The following ARHGEF10L variants were observed in gnomAD, a reference collection of about 807,000 sequenced individuals.
ARHGEF10L encodes Rho guanine nucleotide exchange factor 10 like.
ARHGEF10L carries 69 observed loss-of-function variants against 141.2 expected under a neutral mutation model. The observed-to-expected ratio is 0.49, with a 90% confidence interval of 0.40 to 0.60. ARHGEF10L has a LOEUF of 0.60. Among genes scored for constraint, ARHGEF10L ranks in the 20% least tolerant of loss-of-function variants. The probability of loss-of-function intolerance (pLI) is 0.00; values close to 1 mark genes in which losing one functional copy is unlikely to be tolerated. For synonymous variants in ARHGEF10L, 711 were observed against 718.5 expected (o/e 0.99, Z 0.17); for missense variants, 1,482 against 1,734.3 (o/e 0.85, Z 2.58).
At chr1:17,530,704 G>GA in the ARHGEF10L span, among the ~76,000 whole-genome samples, 1 of 152,248 alleles carries the variant, frequency 6.6e-6, no homozygotes, top group Admixed American at 6.5e-5. Context: ...TTTCTTGTAT[G>GA]AAAAAGAGGA....
At chr1:17,595,220 CT>C (rs58475060) in intron 4 of ARHGEF10L, among the ~76,000 whole-genome samples, 2,778 of 105,990 alleles carry the variant, frequency 0.026, 53 homozygotes, top group East Asian at 0.074. Flanking sequence ...CGTGGCTCAC[CT>C]TTTTTTTTTT....
At position 17,695,140 on chromosome 1, in the gene ARHGEF10L, C is replaced by T. The variant is rs375159582; in HGVS notation, c.3185-18C>T. The T allele has an allele frequency of 2.2e-5, 36 of 1,612,094 alleles. No individual in the cohort carries two copies. Among genetic ancestry groups the T allele is most frequent in the South Asian group, 4.4e-5 (4 of 91,078 alleles). ...TCTCCCCAGGAGGGCACTGCTCAGC[C>T]GCCCTCTCTTTCTGCAGGCCAGAAG... On this transcript the variant is annotated intron_variant, in intron 27 of 28. Coordinates refer to ENST00000361221, the MANE Select transcript of ARHGEF10L (RefSeq NM_018125.4).
rs146084681 is a variant in ARHGEF10L, at chr1:17,696,934, C to A, written c.3394C>A (p.Arg1132=). The A allele has an allele frequency of 1.9e-6, 3 of 1,612,524 alleles. No individual in the cohort carries two copies. Among genetic ancestry groups the A allele is most frequent in the Non-Finnish European group, 2.5e-6 (3 of 1,179,712 alleles). Reference sequence around the variant, plus strand: ...CAGCATCCTGGCCCCTGACATCCTGCGGAGTGACCAGGAGGAGGCTGAGGG... The same window carrying A: ...CAGCATCCTGGCCCCTGACATCCTGAGGAGTGACCAGGAGGAGGCTGAGGG... ...ATSILAPDIL[R]SDQEEAEGPR... Residue 1132 remains arginine, a synonymous_variant, in exon 29 of 29, where the codon CGG becomes AGG. Transcript: ENST00000361221.
chr1:17,632,209 C>T (rs1261495318), intron 15 of ARHGEF10L, 112 bp from the exon 16 acceptor site: 16 of 1,401,240 alleles, frequency 1.1e-5, no homozygotes, highest in Non-Finnish European at 1.6e-5. Context: ...ATCTCCTCCA[C>T]CTCTCCCAGC....
chr1:17,695,134 C>T (rs763880028), intron 27 of ARHGEF10L, 24 bp from the exon 28 acceptor site: 2 of 1,611,814 alleles, frequency 1.2e-6, no homozygotes, highest in Non-Finnish European at 1.7e-6. Flanking sequence ...GAGGGCACTG[C>T]TCAGCCGCCC....
At chr1:17,517,644 C>T in the ARHGEF10L span, among the ~76,000 whole-genome samples, 1 of 151,810 alleles carries the variant, frequency 6.6e-6, no homozygotes, top group Admixed American at 6.6e-5. Flanking sequence ...GAGCCAATAG[C>T]CAGGATTATC....
At chr1:17,667,853 G>A (rs529284745) in intron 26 of ARHGEF10L, among the ~76,000 whole-genome samples, 7 of 152,280 alleles carry the variant, frequency 4.6e-5, no homozygotes, top group African/African-American at 1.4e-4. Context: ...CTGGGGAGGC[G>A]TCATTGAAGA....
In ARHGEF10L at chr1:17,697,440, C is replaced by T. The variant is rs745744864; in HGVS notation, c.*60C>T. The T allele has an allele frequency of 2.8e-5, 42 of 1,526,756 alleles. No homozygotes were observed. Among genetic ancestry groups the T allele is most frequent in the Non-Finnish European group, 3.6e-5 (41 of 1,135,106 alleles). 94.6% of individuals were successfully genotyped at this position (1,526,756 alleles called of 1,614,324 possible). A position where few individuals can be genotyped will look rare whatever the true frequency, so the allele number is the denominator to read the frequency against. On this transcript the variant is annotated 3_prime_UTR_variant, in exon 29 of 29. Transcript: ENST00000361221. The surrounding 1 kb of genome is among the most constrained non-coding windows in gnomAD (Gnocchi z 4.8). ...GGCCTGACCAAGGCCACGCCCGGCT[C>T]TCGTGCTCTAGGACCTGCACGGGAC... is the stretch of plus-strand genomic sequence containing the variant.
At chr1:17,593,645 G>A (rs538435875) in intron 4 of ARHGEF10L, among the ~76,000 whole-genome samples, 18 of 152,124 alleles carry the variant, frequency 1.2e-4, no homozygotes, top group Non-Finnish European at 1.9e-4. Flanking sequence ...TGCCCCTGCT[G>A]AAACCTCGCT....
rs562508803 is a variant in ARHGEF10L, at chr1:17,638,408, C to T, written c.2044-154C>T. On this transcript the variant is annotated intron_variant, in intron 19 of 28. Coordinates refer to ENST00000361221, the MANE Select transcript of ARHGEF10L (RefSeq NM_018125.4). ...GGAAGCCTGGGGCATGGCGAGTTGG[C>T]CTCCTGCGTGGGGCTAAATGTGCAG... 5.3e-5 allele frequency among the ~76,000 whole-genome samples: 8 copies of T among 152,310 alleles called. 1 individual carries two copies. The East Asian group carries it at 1.5e-3, about 29-fold the overall frequency.
upstream of ARHGEF10L, among the ~76,000 whole-genome samples, chr1:17,536,237 T>C (rs951713538): frequency 6.6e-6 from 1 of 152,196 alleles, no homozygotes; most frequent in Admixed American, 6.5e-5. Flanking sequence ...CCCGGCACTT[T>C]GGGAGGCCAG....
At chr1:17,676,462 G>A (rs1415015551) in intron 26 of ARHGEF10L, among the ~76,000 whole-genome samples, 1 of 151,954 alleles carries the variant, frequency 6.6e-6, no homozygotes, top group Non-Finnish European at 1.5e-5. Context: ...GTGGGGTGGT[G>A]GAGGGCCAGG....
At chr1:17,551,551 G>A (rs768126890) in intron 1 of ARHGEF10L, among the ~76,000 whole-genome samples, 5 of 152,138 alleles carry the variant, frequency 3.3e-5, no homozygotes, top group Admixed American at 6.5e-5. Context: ...TGGGCCCTGC[G>A]AGCCAGTCAA....
intron 1 of ARHGEF10L, among the ~76,000 whole-genome samples, chr1:17,579,193 G>T (rs112702772): frequency 1.3e-5 from 2 of 152,100 alleles, no homozygotes; most frequent in African/African-American, 4.8e-5. Flanking sequence ...GCTAATTTTT[G>T]TATTTTTAGT....
At chr1:17,616,918 T>TA (rs1444446879) in intron 9 of ARHGEF10L, among the ~76,000 whole-genome samples, 4 of 151,590 alleles carry the variant, frequency 2.6e-5, no homozygotes, top group African/African-American at 9.7e-5. Context: ...ACTGACTGAG[T>TA]ATTTATTGTG....
intron 28 of ARHGEF10L, 144 bp downstream of exon 28, chr1:17,695,424 G>T: frequency 8.2e-7 from 1 of 1,221,812 alleles, no homozygotes; most frequent in Non-Finnish European, 1.1e-6. Context: ...CAGGTGGCAT[G>T]GTGGCCAGTA....
In ARHGEF10L at chr1:17,634,909, A is replaced by T. The variant is rs1351571247; in HGVS notation, c.1820A>T (p.Gln607Leu). The change falls in exon 18 of 29, where the codon CAG becomes CTG. Residue 607 changes from glutamine (Q) to leucine (L), a missense_variant. Around this residue, in one of 3 missense-constraint regions of ARHGEF10L, gnomAD observed 858 missense variants for 966.3 expected, o/e 0.89. Transcript: ENST00000361221. ...YVVKWNTALP[Q>L]VQVVEVGQDG... is the part of the protein sequence containing the mutation. Reference sequence around the variant, plus strand: ...GTGAAGTGGAACACGGCGCTGCCCCAGGTGCAGGTGGTGGAGGTGGGCCAG... The same window carrying T: ...GTGAAGTGGAACACGGCGCTGCCCCTGGTGCAGGTGGTGGAGGTGGGCCAG... 1.2e-6 allele frequency: 2 copies of T among 1,614,100 alleles called. No homozygotes were observed.
intron 1 of ARHGEF10L, among the ~76,000 whole-genome samples, chr1:17,570,788 G>A (rs1020180588): frequency 3.9e-5 from 6 of 151,998 alleles, no homozygotes; most frequent in Admixed American, 6.6e-5. Context: ...GGTGAGATGC[G>A]CTCGGATTCT....
Position 17,637,911 on chromosome 1 carries a change from C to A in ARHGEF10L, c.1951C>A (p.Arg651Ser). The stretch of plus-strand genomic sequence containing the variant: ...AGATAAGGTGTACCTCGGCCCCCCA[C>A]GCCTCTTCCAGGAGCTGCAGGACCT... ...AQNKVYLGPP[R>S]LFQELQDLQK... Residue 651 changes from arginine to serine, a missense_variant, in exon 19 of 29, where the codon CGC becomes AGC. Arg to Ser is a moderately radical substitution (Grantham distance 110). This residue lies in a region of ARHGEF10L where 858 missense variants were observed against 966.3 expected (regional missense o/e 0.89). Transcript: ENST00000361221. 1.3e-6 allele frequency: 2 copies of A among 1,595,898 alleles called. No homozygotes were observed. The highest frequency in any genetic ancestry group is 1.7e-6 in the Non-Finnish European group (2 of 1,171,180).
Sources: gnomAD v4.1 joint callset for allele counts (sites outside exome capture counted in the v4.1 genomes callset) on GRCh38, gnomAD v4.1.1 for gene constraint, gnomAD v4.1.1 regional missense constraint, Gnocchi (gnomAD v3.1) non-coding constraint, MANE v1.5 for transcripts, NCBI Gene and HGNC (gene_info 2026-07-23, HGNC 2026-07-21) for gene names.